The following EPM2A variants were observed in gnomAD, a reference collection of about 807,000 sequenced individuals.
The protein encoded by EPM2A is laforin.
EPM2A carries 21 observed loss-of-function variants against 26.5 expected under a neutral mutation model. The ratio of observed to expected loss-of-function variants is 0.79; its 90% CI spans 0.56 to 1.14. The LOEUF (loss-of-function observed/expected upper bound fraction) is 1.14. Among genes scored for constraint, EPM2A ranks in the 50% most tolerant of loss-of-function variants. The pLI is 0.00. For missense variants in EPM2A, 458 were observed against 440.8 expected (o/e 1.04, Z -0.35); for synonymous variants, 217 against 177.6 (o/e 1.22, Z -1.76).
intron 2 of EPM2A, among the ~76,000 whole-genome samples, chr6:145,604,639 G>A (rs1475945409): frequency 6.6e-6 from 1 of 151,942 alleles, no homozygotes; most frequent in African/African-American, 2.4e-5. Context: ...AATAATTAAT[G>A]AGCAATACTT....
intron 4 of EPM2A, among the ~76,000 whole-genome samples, chr6:145,446,880 G>C (rs540111594): frequency 6.6e-6 from 1 of 151,904 alleles, no homozygotes; most frequent in Admixed American, 6.6e-5. Context: ...TGATTATCTT[G>C]GATCTTCTTT....
intron 2 of EPM2A, among the ~76,000 whole-genome samples, chr6:145,534,344 C>G (rs532464130): frequency 2.6e-5 from 4 of 152,138 alleles, no homozygotes; most frequent in African/African-American, 9.7e-5. Context: ...AAACTTTCTC[C>G]TAGATCAAAA....
intron 4 of EPM2A, among the ~76,000 whole-genome samples, chr6:145,385,424 A>G (rs1381061513): frequency 6.6e-6 from 1 of 152,142 alleles, no homozygotes; most frequent in Non-Finnish European, 1.5e-5. Context: ...TCATTTGTAA[A>G]TGACCAAAGC....
At chr6:145,390,359 G>A (rs187529127) in intron 4 of EPM2A, among the ~76,000 whole-genome samples, 4 of 151,534 alleles carry the variant, frequency 2.6e-5, no homozygotes, top group Middle Eastern at 3.4e-3. Flanking sequence ...AGAAACATCC[G>A]GAATAATGTT....
At chr6:145,637,208 A>T (rs888161477) in intron 2 of EPM2A, 1 of 152,248 alleles carries the variant, frequency 6.6e-6, no homozygotes, top group Non-Finnish European at 1.5e-5. Flanking sequence ...AAGATTATTC[A>T]GTTAATTCTT....
intron 2 of EPM2A, among the ~76,000 whole-genome samples, chr6:145,668,980 C>T (rs1779446362): frequency 6.6e-6 from 1 of 151,990 alleles, no homozygotes; most frequent in African/African-American, 2.4e-5. Context: ...CGTGTGTGTA[C>T]ATGCATGTGT....
chr6:145,479,232 A>G (rs184874985), intron 4 of EPM2A, among the ~76,000 whole-genome samples: 16 of 148,076 alleles, frequency 1.1e-4, no homozygotes, highest in Admixed American at 1.0e-3. Context: ...AGTAAAATAT[A>G]TATATATAAA....
At chr6:145,435,871 C>A (rs1427132035) in intron 4 of EPM2A, among the ~76,000 whole-genome samples, 1 of 151,938 alleles carries the variant, frequency 6.6e-6, no homozygotes, top group South Asian at 2.1e-4. Context: ...GTTTTTTATA[C>A]CCCTGTGCAC....
At chr6:145,568,279 T>C (rs534324240) in intron 2 of EPM2A, among the ~76,000 whole-genome samples, 1 of 151,916 alleles carries the variant, frequency 6.6e-6, no homozygotes, top group Non-Finnish European at 1.5e-5. Flanking sequence ...TTTATTCATG[T>C]CCTGTAAATG....
intron 1 of EPM2A, among the ~76,000 whole-genome samples, chr6:145,731,191 C>T (rs140872373): frequency 1.3e-5 from 2 of 152,336 alleles, no homozygotes; most frequent in African/African-American, 4.8e-5. Flanking sequence ...GCTCCCCAGC[C>T]ACACACCCTG....
intron 2 of EPM2A, among the ~76,000 whole-genome samples, chr6:145,675,357 C>T (rs1297717005): frequency 1.3e-5 from 2 of 152,164 alleles, no homozygotes. Context: ...ACCATCGATG[C>T]TATGAAGAAA....
chr6:145,558,203 T>C (rs951299801), intron 2 of EPM2A, among the ~76,000 whole-genome samples: 4 of 152,106 alleles, frequency 2.6e-5, no homozygotes, highest in African/African-American at 9.7e-5. Context: ...ATGTTGGGTA[T>C]AGATCTCGTG....
intron 2 of EPM2A, among the ~76,000 whole-genome samples, chr6:145,544,349 C>T (rs148780607): frequency 6.6e-6 from 1 of 152,180 alleles, no homozygotes; most frequent in Non-Finnish European, 1.5e-5. Context: ...TTCTCAATAA[C>T]TGGGCTGCTG....
chr6:145,451,224 G>T (rs1331519959), intron 4 of EPM2A, among the ~76,000 whole-genome samples: 1 of 152,072 alleles, frequency 6.6e-6, no homozygotes, highest in Non-Finnish European at 1.5e-5. Context: ...CATGATTTTT[G>T]AACATTGCAT....
chr6:145,413,061 T>C (rs1206436723), intron 4 of EPM2A, among the ~76,000 whole-genome samples: 5 of 152,174 alleles, frequency 3.3e-5, no homozygotes, highest in Non-Finnish European at 7.3e-5. Context: ...TCTCTTTTAC[T>C]AAGGGGGATG....
intron 1 of EPM2A, among the ~76,000 whole-genome samples, chr6:145,711,832 T>G (rs150500883): frequency 1.2e-3 from 176 of 152,268 alleles, no homozygotes; most frequent in African/African-American, 4.0e-3. Context: ...GTGGGAAACA[T>G]CAGCGGGTCC....
At chr6:145,484,870 G>A (rs1779653379) in intron 4 of EPM2A, among the ~76,000 whole-genome samples, 1 of 151,272 alleles carries the variant, frequency 6.6e-6, no homozygotes, top group Non-Finnish European at 1.5e-5. Flanking sequence ...TAAAGACTAA[G>A]GCAGTCCACT....
intron 1 of EPM2A, among the ~76,000 whole-genome samples, chr6:145,715,356 A>G (rs945608642): frequency 6.6e-6 from 1 of 152,152 alleles, no homozygotes; most frequent in African/African-American, 2.4e-5. Context: ...GACAGCTTTG[A>G]GATGTGGGAG....
intron 2 of EPM2A, among the ~76,000 whole-genome samples, chr6:145,608,360 C>T (rs1260755511): frequency 6.6e-6 from 1 of 152,144 alleles, no homozygotes; most frequent in Non-Finnish European, 1.5e-5. Context: ...GACATATACA[C>T]CTTCCAAAGC....
Sources: allele counts gnomAD v4.1 joint callset (sites outside exome capture counted in the v4.1 genomes callset), GRCh38; gene constraint gnomAD v4.1.1; transcripts MANE v1.5; gene names NCBI Gene and HGNC (gene_info 2026-07-23, HGNC 2026-07-21).